The following PCNP variants were observed in gnomAD, a reference collection of about 807,000 sequenced individuals.
PCNP encodes PEST proteolytic signal-containing nuclear protein.
Under a neutral mutation model 21.8 loss-of-function variants are expected in PCNP, and 6 were observed. That is an observed-to-expected ratio of 0.28 (90% CI 0.15 to 0.54). The LOEUF (loss-of-function observed/expected upper bound fraction) is 0.54, where lower values mean the gene tolerates loss of function less well. Among genes scored for constraint, PCNP ranks in the 20% least tolerant of loss-of-function variants. The pLI is 0.95. For missense variants in PCNP, 161 were observed against 215.5 expected (o/e 0.75, Z 1.58); for synonymous variants, 67 against 73.2 (o/e 0.92, Z 0.43).
intron 3 of PCNP, among the ~76,000 whole-genome samples, chr3:101,589,503 C>T (rs190800428): frequency 2.7e-4 from 41 of 152,042 alleles, no homozygotes; most frequent in Admixed American, 2.2e-3. Flanking sequence ...CTTTGCCTCC[C>T]GAATTCAAGC....
intron 4 of PCNP, 117 bp from the exon 5 acceptor site, chr3:101,592,510 C>A: frequency 1.4e-6 from 1 of 732,314 alleles, no homozygotes; most frequent in East Asian, 2.9e-5. Flanking sequence ...TAGGGCCTTC[C>A]AGTGTTCAGT....
chr3:101,575,755 G>A (rs1267779422), intron 1 of PCNP, among the ~76,000 whole-genome samples: 1 of 152,132 alleles, frequency 6.6e-6, no homozygotes, highest in Non-Finnish European at 1.5e-5. Flanking sequence ...CTGTCAAAAT[G>A]TACCTTGAGT....
At chr3:101,585,618 G>C (rs1935457986) in intron 3 of PCNP, 107 bp downstream of exon 3, 1 of 631,252 alleles carries the variant, frequency 1.6e-6, no homozygotes. Flanking sequence ...CTTTATAATA[G>C]TTTTTGTGTC....
chr3:101,583,960 G>C lies in PCNP; in HGVS notation c.280-1477G>C, dbSNP rs191615382. On this transcript the variant is annotated intron_variant, in intron 2 of 4. Coordinates refer to ENST00000265260, the MANE Select transcript of PCNP (RefSeq NM_020357.3). Reference sequence around the variant, plus strand: ...ATTACAAGCATGAGCCCCTGTGCCCGGCTAGGTGATGTATTTCTGACAGTA... The same window carrying C: ...ATTACAAGCATGAGCCCCTGTGCCCCGCTAGGTGATGTATTTCTGACAGTA... Among the ~76,000 whole-genome samples the C allele has an allele frequency of 2.6e-3, 396 of 151,822 alleles. 6 individuals are homozygous for C. Among genetic ancestry groups the C allele is most frequent in the Non-Finnish European group, 3.0e-3 (204 of 67,946 alleles).
intron 1 of PCNP, among the ~76,000 whole-genome samples, chr3:101,575,507 C>T (rs958478902): frequency 6.7e-6 from 1 of 148,718 alleles, no homozygotes; most frequent in African/African-American, 2.5e-5. Context: ...TAGTAAAATA[C>T]CTTATGAAAG....
At chr3:101,576,690 T>C (rs893761437) in intron 1 of PCNP, 1 of 1,612,084 alleles carries the variant, frequency 6.2e-7, no homozygotes, top group African/African-American at 1.3e-5. Context: ...CATCCTTCTG[T>C]CTGTTCAAGA....
chr3:101,574,785 C>G (rs577063942), intron 1 of PCNP: 1 of 153,612 alleles, frequency 6.5e-6, no homozygotes, highest in Non-Finnish European at 1.4e-5. Flanking sequence ...GCTCCCTTTT[C>G]ACTGAGGAGG....
In PCNP at chr3:101,580,001, A is replaced by G; in HGVS notation, c.276A>G (p.Ser92=). The change falls in exon 2 of 5, where the codon TCA becomes TCG. Residue 92 remains serine (S), a synonymous_variant. Transcript: ENST00000265260. ...KASAISIKLG[S]SKPKETVPTL... is the part of the protein sequence containing the mutation. ...CAGCCATATCCATCAAACTTGGATC[A>G]AGTGTGAGTTGTTATTTCATATATG... 4 of 1,609,364 alleles carry G rather than the reference A, an allele frequency of 2.5e-6. No homozygotes were observed.
chr3:101,578,491 A>G (rs909146088), intron 1 of PCNP, among the ~76,000 whole-genome samples: 3 of 152,222 alleles, frequency 2.0e-5, no homozygotes, highest in African/African-American at 7.2e-5. Context: ...TTTCAGTGCT[A>G]TCTTTGTCTC....
chr3:101,580,033 G>T (rs1463673546), intron 2 of PCNP, 29 bp downstream of exon 2: 5 of 1,493,290 alleles, frequency 3.3e-6, no homozygotes, highest in African/African-American at 1.4e-5. Flanking sequence ...TATGATGTTT[G>T]TAATGGGTCT....
rs1200088195 is a variant in PCNP at position 101,574,239 on chromosome 3, C to T, written c.24C>T (p.Asp8=). 19 of 1,549,232 alleles carry T rather than the reference C, an allele frequency of 1.2e-5. No individual in the cohort carries two copies. The East Asian group carries it at 1.5e-4, about 12-fold the overall frequency. ...AAATGGCGGACGGGAAGGCGGGAGA[C>T]GAGAAGCCTGAAAAGTCGCAGCGAG... is the stretch of plus-strand genomic sequence containing the variant. MADGKAG[D]EKPEKSQRAG... is the part of the protein sequence containing the mutation. Residue 8 remains aspartate (D), a synonymous_variant, in exon 1 of 5, where the codon GAC becomes GAT. Coordinates refer to ENST00000265260, the MANE Select transcript of PCNP (RefSeq NM_020357.3).
At chr3:101,586,429 A>G (rs1014867854) in intron 3 of PCNP, among the ~76,000 whole-genome samples, 11 of 152,062 alleles carry the variant, frequency 7.2e-5, no homozygotes, top group Admixed American at 5.9e-4. Flanking sequence ...ATGTTTTTGT[A>G]CTAGACTCTG....
At chr3:101,581,170 C>G (rs1025692012) in intron 2 of PCNP, among the ~76,000 whole-genome samples, 3 of 152,248 alleles carry the variant, frequency 2.0e-5, no homozygotes. Context: ...GAACAAAAAA[C>G]ATTGAGCTTA....
chr3:101,591,440 C>G (rs528074313), intron 4 of PCNP, among the ~76,000 whole-genome samples: 17 of 152,322 alleles, frequency 1.1e-4, no homozygotes, highest in African/African-American at 4.1e-4. Context: ...GCGTAAGTCT[C>G]CAAACTTCCA....
intron 2 of PCNP, among the ~76,000 whole-genome samples, chr3:101,582,519 T>C (rs1438477038): frequency 6.6e-6 from 1 of 152,120 alleles, no homozygotes; most frequent in Non-Finnish European, 1.5e-5. Flanking sequence ...TAAAAAAAAA[T>C]TGAAATTGCT....
intron 4 of PCNP, among the ~76,000 whole-genome samples, chr3:101,591,489 G>A (rs191911692): frequency 3.9e-5 from 6 of 152,306 alleles, no homozygotes; most frequent in African/African-American, 1.4e-4. Context: ...GTGGCTGCCT[G>A]CATGCCTTCC....
At chr3:101,585,150 GC>G (rs1279749152) in intron 2 of PCNP, among the ~76,000 whole-genome samples, 1 of 152,134 alleles carries the variant, frequency 6.6e-6, no homozygotes, top group Non-Finnish European at 1.5e-5. Flanking sequence ...ATTTTCTCTT[GC>G]CTGTACCAAG....
intron 2 of PCNP, among the ~76,000 whole-genome samples, chr3:101,583,151 C>T (rs1280097456): frequency 6.6e-6 from 1 of 151,802 alleles, no homozygotes; most frequent in Non-Finnish European, 1.5e-5. Context: ...ATAGTGAGGC[C>T]TCTTCTCTAC....
intron 1 of PCNP, among the ~76,000 whole-genome samples, chr3:101,575,601 A>C (rs544421234): frequency 3.9e-5 from 6 of 152,186 alleles, no homozygotes; most frequent in Non-Finnish European, 8.8e-5. Flanking sequence ...TTGTGGGATA[A>C]AATTACATAA....
Sources: allele counts gnomAD v4.1 joint callset (sites outside exome capture counted in the v4.1 genomes callset), GRCh38; gene constraint gnomAD v4.1.1; transcripts MANE v1.5; gene names NCBI Gene and HGNC (gene_info 2026-07-23, HGNC 2026-07-21).